The following DEUP1 variants were observed in gnomAD, a reference collection of about 807,000 sequenced individuals.
DEUP1 encodes the protein coiled-coil domain containing 67.
DEUP1 carries 82 observed loss-of-function variants against 87.4 expected under a neutral mutation model. The observed-to-expected ratio is 0.94, with a 90% CI of 0.78 to 1.13. The LOEUF (loss-of-function observed/expected upper bound fraction) is 1.13, where lower values mean the gene tolerates loss of function less well. DEUP1 is among the 50% of genes most tolerant of loss of function. DEUP1 has a pLI of 0.00. For missense variants in DEUP1, 663 were observed against 681.5 expected, an observed-to-expected ratio of 0.97 and a Z score of 0.30; for synonymous variants, 214 against 222.7, an observed-to-expected ratio of 0.96 and a Z score of 0.35.
rs180868508 is a variant in DEUP1, at chr11:93,367,858, A to G, written c.433-2215A>G. ...TGTTTAAATTCTAGGAAATGCCAAT[A>G]CTGTACCATGTTTTTGTTCGTACAT... On this transcript the variant is annotated intron_variant, in intron 5 of 13. Transcript: ENST00000298050. Among the ~76,000 whole-genome samples, 13 of 152,334 alleles carry G rather than the reference A, an allele frequency of 8.5e-5. 1 individual carries two copies. The highest frequency in any genetic ancestry group is 5.2e-4 in the Admixed American group (8 of 15,300).
intron 13 of DEUP1, among the ~76,000 whole-genome samples, chr11:93,419,962 C>G (rs551051080): frequency 6.6e-6 from 1 of 152,112 alleles, no homozygotes; most frequent in East Asian, 1.9e-4. Context: ...CAGATGGATT[C>G]ACAGCCGAAT....
intron 2 of DEUP1, among the ~76,000 whole-genome samples, chr11:93,340,011 C>G (rs1365928727): frequency 1.3e-5 from 2 of 152,150 alleles, no homozygotes; most frequent in Non-Finnish European, 2.9e-5. Context: ...ATATAATACC[C>G]AAGCAAATTA....
chr11:93,416,272 G>C (rs1026040640), intron 13 of DEUP1, among the ~76,000 whole-genome samples: 3 of 152,024 alleles, frequency 2.0e-5, no homozygotes, highest in Non-Finnish European at 4.4e-5. Flanking sequence ...CAACAAAATT[G>C]ATAGACTGCT....
At chr11:93,428,892 T>C (rs774467731) in intron 13 of DEUP1, among the ~76,000 whole-genome samples, 2 of 152,194 alleles carry the variant, frequency 1.3e-5, no homozygotes, top group Non-Finnish European at 2.9e-5. Context: ...CACATGGTAA[T>C]ATAGGCCTTT....
intron 13 of DEUP1, among the ~76,000 whole-genome samples, chr11:93,420,344 G>A (rs1257948031): frequency 1.3e-5 from 2 of 152,064 alleles, no homozygotes; most frequent in African/African-American, 4.8e-5. Context: ...TGCAGAAAAG[G>A]CCTTTGACAA....
intron 13 of DEUP1, among the ~76,000 whole-genome samples, chr11:93,416,518 G>C (rs900360728): frequency 2.0e-5 from 3 of 151,954 alleles, no homozygotes; most frequent in African/African-American, 7.2e-5. Context: ...AACAGGATCT[G>C]AAATTGTGGC....
chr11:93,351,156 G>A (rs960340503), intron 2 of DEUP1, among the ~76,000 whole-genome samples: 3 of 151,752 alleles, frequency 2.0e-5, no homozygotes, highest in African/African-American at 4.8e-5. Context: ...AGTTGGACTA[G>A]TTGACTTGTA....
chr11:93,354,673 C>A (rs976229501), intron 2 of DEUP1, among the ~76,000 whole-genome samples: 1 of 152,196 alleles, frequency 6.6e-6, no homozygotes, highest in South Asian at 2.1e-4. Context: ...GAGGAAGAAG[C>A]AAAAGTGGAA....
rs183343705 is a variant in DEUP1 at position 93,390,932 on chromosome 11, A to G, written c.1041+1807A>G. Among the ~76,000 whole-genome samples the G allele has an allele frequency of 5.3e-3, 800 of 152,188 alleles. 3 individuals are homozygous for G. Among genetic ancestry groups the G allele is most frequent in the African/African-American group, 0.018 (755 of 41,514 alleles). ...CCCCGTCTCTACTAAAAATACAAAAATTAGCTGGGCGCGGTGGCAGGCGCC... is the reference window on the plus strand; with the variant it reads ...CCCCGTCTCTACTAAAAATACAAAAGTTAGCTGGGCGCGGTGGCAGGCGCC... On this transcript the variant is annotated intron_variant, in intron 9 of 13. Coordinates refer to ENST00000298050, the MANE Select transcript of DEUP1 (RefSeq NM_181645.4).
In DEUP1 at chr11:93,394,669, G is replaced by T; in HGVS notation, c.1239+13G>T. ...AGCAAAACAAAAGGTATGCAAGCAG[G>T]CAGAATAGCACTTGTCTAGGGCACA... On this transcript the variant is annotated intron_variant, in intron 10 of 13. Transcript: ENST00000298050. The T allele has an allele frequency of 6.3e-7, 1 of 1,589,282 alleles. No homozygotes were observed. Among genetic ancestry groups the T allele is most frequent in the African/African-American group, 1.3e-5 (1 of 74,208 alleles).
chr11:93,330,583 C>T (rs1009431138), upstream of DEUP1: 2 of 152,282 alleles, frequency 1.3e-5, no homozygotes, highest in Non-Finnish European at 2.9e-5. Flanking sequence ...CATGGCAACA[C>T]GCGGCGGCGC....
At chr11:93,349,198 T>A (rs1052277672) in intron 2 of DEUP1, among the ~76,000 whole-genome samples, 1 of 152,192 alleles carries the variant, frequency 6.6e-6, no homozygotes, top group Non-Finnish European at 1.5e-5. Flanking sequence ...GCTTAATGAA[T>A]GTTTGCTGAA....
chr11:93,419,579 A>G (rs1054392208), intron 13 of DEUP1, among the ~76,000 whole-genome samples: 3 of 152,140 alleles, frequency 2.0e-5, no homozygotes, highest in Non-Finnish European at 2.9e-5. Context: ...GAGTTGCATG[A>G]CTTTGCACAA....
chr11:93,390,370 A>G (rs927678068), intron 9 of DEUP1, among the ~76,000 whole-genome samples: 3 of 152,244 alleles, frequency 2.0e-5, no homozygotes, highest in South Asian at 4.1e-4. Context: ...ATAATATGAA[A>G]GACAGGTACT....
At chr11:93,383,729 T>C (rs188754616) in intron 7 of DEUP1, 284 of 502,424 alleles carry the variant, frequency 5.7e-4, no homozygotes, top group Non-Finnish European at 8.9e-4. Flanking sequence ...TTTTAAAATA[T>C]AGTGTTTTCT....
At chr11:93,396,120 CGAA>C in intron 10 of DEUP1, 116 bp from the exon 11 acceptor site, 1 of 678,060 alleles carries the variant, frequency 1.5e-6, no homozygotes, top group Non-Finnish European at 2.6e-6. Flanking sequence ...TTGGTCGTAC[CGAA>C]GAAGTGTTTC....
At chr11:93,403,416 G>T (rs1053915295) in intron 11 of DEUP1, among the ~76,000 whole-genome samples, 3 of 151,686 alleles carry the variant, frequency 2.0e-5, no homozygotes, top group Admixed American at 1.3e-4. Context: ...TACTTTGTAG[G>T]TTATTTCAGT....
At chr11:93,432,379 T>C (rs1224422558) in intron 13 of DEUP1, among the ~76,000 whole-genome samples, 3 of 152,094 alleles carry the variant, frequency 2.0e-5, no homozygotes, top group Non-Finnish European at 2.9e-5. Context: ...CTCTGACTCC[T>C]AGGAGGAAGC....
intron 2 of DEUP1, among the ~76,000 whole-genome samples, chr11:93,337,450 A>T (rs1003170443): frequency 1.3e-5 from 2 of 152,122 alleles, no homozygotes; most frequent in African/African-American, 4.8e-5. Flanking sequence ...ATTCTTTTTA[A>T]ATTTGGTTAA....
Sources: gnomAD v4.1 joint callset for allele counts (sites outside exome capture counted in the v4.1 genomes callset) on GRCh38, gnomAD v4.1.1 for gene constraint, MANE v1.5 for transcripts, NCBI Gene and HGNC (gene_info 2026-07-23, HGNC 2026-07-21) for gene names.